The following ERC2 variants were observed in gnomAD, a reference collection of about 807,000 sequenced individuals.
The protein encoded by ERC2 is ERC protein 2.
A neutral mutation model predicts 114.8 loss-of-function variants in ERC2; 42 were observed. The ratio of observed to expected loss-of-function variants is 0.37; its 90% CI spans 0.29 to 0.47. The LOEUF is 0.47. Ranked by LOEUF, ERC2 falls within the 20% of genes least tolerant of loss-of-function variation. ERC2 has a pLI of 0.99. For missense variants in ERC2, 939 were observed against 1,150.7 expected, an observed-to-expected ratio of 0.82 and a Z score of 2.66; for synonymous variants, 454 against 425.5, an observed-to-expected ratio of 1.07 and a Z score of -0.82.
chr3:55,985,666 A>C (rs957954270), intron 12 of ERC2, among the ~76,000 whole-genome samples: 1 of 152,214 alleles, frequency 6.6e-6, no homozygotes, highest in Non-Finnish European at 1.5e-5. Context: ...ATCATCCTGC[A>C]GTCAATTTTC....
intron 14 of ERC2, among the ~76,000 whole-genome samples, chr3:55,858,178 CAAGT>C (rs2061871477): frequency 6.6e-6 from 1 of 152,018 alleles, no homozygotes; most frequent in African/African-American, 2.4e-5. Flanking sequence ...AAGATAAAAA[CAAGT>C]AAAGATGGCT....
chr3:55,950,910 G>A (rs958715458), intron 12 of ERC2, among the ~76,000 whole-genome samples: 4 of 152,246 alleles, frequency 2.6e-5, no homozygotes, highest in Non-Finnish European at 5.9e-5. Flanking sequence ...TGATGTGCAT[G>A]TGTGGACAGG....
At chr3:55,588,802 C>T (rs1215681053) in intron 17 of ERC2, among the ~76,000 whole-genome samples, 1 of 152,086 alleles carries the variant, frequency 6.6e-6, no homozygotes, top group East Asian at 1.9e-4. Flanking sequence ...GGCTCCAATG[C>T]TTCAGTTTTT....
chr3:56,038,021 T>A (rs543266667), intron 7 of ERC2, among the ~76,000 whole-genome samples: 1 of 152,106 alleles, frequency 6.6e-6, no homozygotes, highest in East Asian at 1.9e-4. Flanking sequence ...GCAATACCAT[T>A]CAGGATATAG....
At chr3:56,213,778 C>A (rs184872689) in intron 3 of ERC2, among the ~76,000 whole-genome samples, 18 of 152,272 alleles carry the variant, frequency 1.2e-4, no homozygotes, top group African/African-American at 4.3e-4. Flanking sequence ...TAGGGGCAGA[C>A]TGACACTTCA....
At chr3:55,905,325 C>T (rs1046036622) in intron 13 of ERC2, among the ~76,000 whole-genome samples, 1 of 152,220 alleles carries the variant, frequency 6.6e-6, no homozygotes, top group African/African-American at 2.4e-5. Context: ...AAGCAATCCA[C>T]CTGCCTCAGC....
chr3:56,345,928 G>A (rs540707677), intron 2 of ERC2, among the ~76,000 whole-genome samples: 12 of 152,302 alleles, frequency 7.9e-5, no homozygotes, highest in Non-Finnish European at 1.3e-4. Context: ...GCCAGACCAA[G>A]GGGAGAAGAA....
At chr3:55,699,017 C>A (rs1489036620) in intron 16 of ERC2, among the ~76,000 whole-genome samples, 1 of 152,168 alleles carries the variant, frequency 6.6e-6, no homozygotes, top group Non-Finnish European at 1.5e-5. Context: ...GAACTCAAGG[C>A]TTCTCTGGTT....
intron 14 of ERC2, among the ~76,000 whole-genome samples, chr3:55,835,403 C>T (rs1440290006): frequency 6.6e-6 from 1 of 152,162 alleles, no homozygotes; most frequent in Non-Finnish European, 1.5e-5. Flanking sequence ...GCTTATCCAC[C>T]ATGATCAAGT....
intron 1 of ERC2, among the ~76,000 whole-genome samples, chr3:56,445,273 A>G (rs1361794290): frequency 6.6e-6 from 1 of 152,124 alleles, no homozygotes; most frequent in African/African-American, 2.4e-5. Flanking sequence ...CCCAATAGGT[A>G]TTTACATTTT....
intron 1 of ERC2, among the ~76,000 whole-genome samples, chr3:56,436,180 T>G (rs1445236294): frequency 6.6e-6 from 1 of 152,154 alleles, no homozygotes. Context: ...AAAGAACAGA[T>G]TTGAGAAAGG....
At chr3:55,583,594 T>C (rs9810167) in intron 17 of ERC2, among the ~76,000 whole-genome samples, 4,349 of 128,068 alleles carry the variant, frequency 0.034, 168 homozygotes, top group Non-Finnish European at 0.046. Flanking sequence ...CCTTCCTTCC[T>C]AGAAAGGCAA....
At position 56,454,858 on chromosome 3, in the gene ERC2, CAGA is replaced by C. The variant is rs1384066691; in HGVS notation, c.-141+13387_-141+13389del. ...TGGGCAACAGAGTGAGACTCTGTCT[CAGA>C]AAAAAAAAAAAAAAAAAAGGAAATG... On this transcript the variant is annotated intron_variant, in intron 1 of 17. Coordinates refer to ENST00000288221, the MANE Select transcript of ERC2 (RefSeq NM_015576.3). 5.7e-3 allele frequency among the ~76,000 whole-genome samples: 124 copies of C among 21,610 alleles called. 1 individual carries two copies. Among genetic ancestry groups the C allele is most frequent in the African/African-American group, 0.02 (110 of 5,484 alleles). The allele number at this position is 21,610 out of a possible 152,430, so 14.2% of individuals were successfully genotyped here.
chr3:55,570,229 C>T (rs1405269072), intron 17 of ERC2, among the ~76,000 whole-genome samples: 4 of 151,984 alleles, frequency 2.6e-5, no homozygotes, highest in African/African-American at 9.7e-5. Flanking sequence ...ATCTCCCACC[C>T]GTCTCAATTT....
chr3:56,148,656 A>T (rs2081268441), intron 5 of ERC2, among the ~76,000 whole-genome samples: 1 of 152,200 alleles, frequency 6.6e-6, no homozygotes, highest in African/African-American at 2.4e-5. Context: ...CTTCAAAAAA[A>T]ATAGCAAACT....
intron 7 of ERC2, among the ~76,000 whole-genome samples, chr3:56,026,064 T>C (rs1205618653): frequency 7.0e-6 from 1 of 143,242 alleles, no homozygotes; most frequent in Non-Finnish European, 1.5e-5. Flanking sequence ...TTTCTTTTTT[T>C]TTTTTTTTTT....
At chr3:56,236,191 TA>T (rs1175331078) in intron 3 of ERC2, among the ~76,000 whole-genome samples, 4 of 151,594 alleles carry the variant, frequency 2.6e-5, no homozygotes, top group African/African-American at 7.3e-5. Flanking sequence ...CTCTCCTTAT[TA>T]AAAAAAAATT....
At chr3:56,246,936 C>T (rs2051750193) in intron 3 of ERC2, among the ~76,000 whole-genome samples, 1 of 152,210 alleles carries the variant, frequency 6.6e-6, no homozygotes, top group African/African-American at 2.4e-5. Flanking sequence ...CATAAACAAT[C>T]CATATGAGTA....
intron 3 of ERC2, among the ~76,000 whole-genome samples, chr3:56,187,325 A>G (rs1159997655): frequency 2.0e-5 from 3 of 152,174 alleles, no homozygotes; most frequent in Non-Finnish European, 4.4e-5. Flanking sequence ...TGCCCAGCAA[A>G]AGGGTTGCTA....
Sources: allele counts gnomAD v4.1 joint callset (sites outside exome capture counted in the v4.1 genomes callset), GRCh38; gene constraint gnomAD v4.1.1; transcripts MANE v1.5; gene names NCBI Gene and HGNC (gene_info 2026-07-23, HGNC 2026-07-21).